The following ARHGAP24 variants were observed in gnomAD, a reference collection of about 807,000 sequenced individuals.
The protein encoded by ARHGAP24 is Rho GTPase activating protein 24, also known as rho GTPase-activating protein 24.
Under a neutral mutation model 76.4 loss-of-function variants are expected in ARHGAP24, and 50 were observed. The ratio of observed to expected loss-of-function variants is 0.65; its 90% confidence interval spans 0.52 to 0.83. The LOEUF is 0.83. ARHGAP24 is among the 40% of genes least tolerant of loss of function. The pLI is 0.00. For missense variants in ARHGAP24, 930 were observed against 914.2 expected, an observed-to-expected ratio of 1.02 and a Z score of -0.22; for synonymous variants, 345 against 323.3, an observed-to-expected ratio of 1.07 and a Z score of -0.72.
At chr4:85,813,118 G>A (rs894226546) in intron 3 of ARHGAP24, among the ~76,000 whole-genome samples, 17 of 152,184 alleles carry the variant, frequency 1.1e-4, no homozygotes, top group African/African-American at 3.4e-4. Flanking sequence ...GTTCCAAGAT[G>A]AGTTAGGAGC....
chr4:85,844,665 C>G (rs1207160622), intron 3 of ARHGAP24, among the ~76,000 whole-genome samples: 1 of 152,060 alleles, frequency 6.6e-6, no homozygotes, highest in Non-Finnish European at 1.5e-5. Context: ...GGATGTGTCC[C>G]GTATAAATTG....
intron 3 of ARHGAP24, among the ~76,000 whole-genome samples, chr4:85,866,636 C>G (rs1174771414): frequency 3.9e-5 from 6 of 152,088 alleles, no homozygotes; most frequent in Admixed American, 3.9e-4. Context: ...CTGAGCTGTT[C>G]TGTTCACCTC....
At chr4:85,912,311 T>C (rs1215222529) in intron 3 of ARHGAP24, among the ~76,000 whole-genome samples, 4 of 152,102 alleles carry the variant, frequency 2.6e-5, no homozygotes, top group Admixed American at 2.6e-4. Flanking sequence ...TCCAGGCCCA[T>C]AAGAAAAATT....
At chr4:85,609,176 C>A (rs149142070) in intron 2 of ARHGAP24, among the ~76,000 whole-genome samples, 406 of 152,048 alleles carry the variant, frequency 2.7e-3, no homozygotes, top group African/African-American at 9.0e-3. Context: ...GAAATGGGAC[C>A]CCTATAAAAT....
chr4:85,657,626 C>A (rs1355725923), intron 2 of ARHGAP24, among the ~76,000 whole-genome samples: 1 of 152,102 alleles, frequency 6.6e-6, no homozygotes, highest in African/African-American at 2.4e-5. Context: ...GGGTATTAGG[C>A]AAATTAATAA....
At chr4:85,573,221 A>G (rs769855098) in intron 2 of ARHGAP24, among the ~76,000 whole-genome samples, 14 of 152,180 alleles carry the variant, frequency 9.2e-5, no homozygotes, top group Non-Finnish European at 1.8e-4. Context: ...TAACTTTCAT[A>G]CAATTCAAGC....
chr4:85,809,511 C>T (rs11943583), intron 3 of ARHGAP24, among the ~76,000 whole-genome samples: 9,098 of 152,100 alleles, frequency 0.06, 677 homozygotes, highest in East Asian at 0.4. Flanking sequence ...TATAATATAA[C>T]GGAATATATT....
At chr4:85,526,269 T>G (rs1364880683) in intron 1 of ARHGAP24, among the ~76,000 whole-genome samples, 3 of 151,784 alleles carry the variant, frequency 2.0e-5, no homozygotes, top group Non-Finnish European at 2.9e-5. Context: ...GGCGTGGTAG[T>G]GTACACCTGT....
intron 2 of ARHGAP24, among the ~76,000 whole-genome samples, chr4:85,585,059 C>T (rs1206292746): frequency 6.6e-6 from 1 of 151,882 alleles, no homozygotes; most frequent in Non-Finnish European, 1.5e-5. Context: ...ATTTTTTTTG[C>T]AATAATTCAT....
chr4:85,559,748 T>C (rs1481783), intron 1 of ARHGAP24, among the ~76,000 whole-genome samples: 129,036 of 152,146 alleles, frequency 0.85, 56,231 homozygotes, highest in East Asian at 0.98. Flanking sequence ...ACATCCAACT[T>C]CTTTTCATCT....
chr4:85,635,502 T>G (rs1240413376), intron 2 of ARHGAP24, among the ~76,000 whole-genome samples: 3 of 151,906 alleles, frequency 2.0e-5, no homozygotes, highest in African/African-American at 7.2e-5. Context: ...GAGAAGTGCC[T>G]TCAAATTCTG....
chr4:85,548,808 G>C (rs1034860368), intron 1 of ARHGAP24, among the ~76,000 whole-genome samples: 1 of 152,216 alleles, frequency 6.6e-6, no homozygotes, highest in African/African-American at 2.4e-5. Flanking sequence ...AAGGTCCCTT[G>C]TGCCCCTTTC....
chr4:85,661,515 TAAC>T (rs1045552050), intron 2 of ARHGAP24, among the ~76,000 whole-genome samples: 1 of 152,000 alleles, frequency 6.6e-6, no homozygotes, highest in African/African-American at 2.4e-5. Flanking sequence ...AGCTTCTGCC[TAAC>T]TTTTTTTTTT....
intron 8 of ARHGAP24, among the ~76,000 whole-genome samples, chr4:85,980,686 G>T (rs988055055): frequency 6.6e-6 from 1 of 152,080 alleles, no homozygotes; most frequent in Admixed American, 6.5e-5. Flanking sequence ...GTTCACTACT[G>T]GTCCTTGTAT....
At chr4:85,920,935 A>G (rs1194817641) in intron 3 of ARHGAP24, among the ~76,000 whole-genome samples, 1 of 152,196 alleles carries the variant, frequency 6.6e-6, no homozygotes, top group Non-Finnish European at 1.5e-5. Context: ...TGGTGGGCAT[A>G]TAAATTAGTT....
At chr4:85,994,474 A>T (rs968677836) in intron 8 of ARHGAP24, 109 bp from the exon 9 acceptor site, 2 of 1,093,026 alleles carry the variant, frequency 1.8e-6, no homozygotes, top group African/African-American at 3.1e-5. Context: ...TTTGGTACTG[A>T]TAATAATAAT....
chr4:85,860,996 G>GCA (rs749944756), intron 3 of ARHGAP24, among the ~76,000 whole-genome samples: 1 of 140,076 alleles, frequency 7.1e-6, no homozygotes, highest in African/African-American at 2.8e-5. Context: ...TTCTGTGCAT[G>GCA]CACGCACACA....
intron 2 of ARHGAP24, among the ~76,000 whole-genome samples, chr4:85,664,305 G>A (rs554607300): frequency 1.3e-5 from 2 of 151,188 alleles, no homozygotes; most frequent in African/African-American, 4.9e-5. Context: ...GCGTAGAGGT[G>A]TTTGTAGTAT....
At chr4:85,788,505 G>A (rs1322416772) in intron 3 of ARHGAP24, among the ~76,000 whole-genome samples, 3 of 152,178 alleles carry the variant, frequency 2.0e-5, no homozygotes, top group South Asian at 2.1e-4. Flanking sequence ...AATACGAAGT[G>A]TAGGATTTGA....
Sources: gnomAD v4.1 joint callset for allele counts (sites outside exome capture counted in the v4.1 genomes callset) on GRCh38, gnomAD v4.1.1 for gene constraint, MANE v1.5 for transcripts, NCBI Gene and HGNC (gene_info 2026-07-23, HGNC 2026-07-21) for gene names.